DNAH5: variants seen among roughly 807,000 people sequenced by gnomAD.
DNAH5 encodes dynein axonemal heavy chain 5, also known as axonemal beta dynein heavy chain 5.
Under a neutral mutation model 518.2 loss-of-function variants are expected in DNAH5, and 372 were observed. The ratio of observed to expected loss-of-function variants is 0.72; its 90% CI spans 0.66 to 0.78. The LOEUF is 0.78. Ranked by LOEUF, DNAH5 falls within the 30% of genes least tolerant of loss-of-function variation. The probability of loss-of-function intolerance (pLI) is 0.00; values close to 1 mark genes in which losing one functional copy is unlikely to be tolerated. For synonymous variants in DNAH5, 2,039 were observed against 2,025.9 expected (o/e 1.01, Z -0.17); for missense variants, 5,523 against 5,687.0 (o/e 0.97, Z 0.93).
rs1216089367 is a variant in DNAH5 at position 13,692,057 on chromosome 5, A to G, written c.13802T>C (p.Val4601Ala). The G allele has an allele frequency of 1.2e-6, 2 of 1,614,038 alleles. No homozygotes were observed. The highest frequency in any genetic ancestry group is 3.3e-5 in the Admixed American group (2 of 60,000). ...AGGGGTCTGGGCTGTCCTGAGATCC[A>G]CAGCGGCAATGTAGTTCAAGTCCGT... ...VRTDLNYIAA[V>A]DLRTAQTPEH... is the part of the protein sequence containing the mutation. Residue 4601 changes from valine to alanine, a missense_variant, in exon 79 of 79, where the codon GTG becomes GCG. Val to Ala is a moderately conservative substitution (Grantham distance 64, BLOSUM62 0). Around this residue, in one of 3 missense-constraint regions of DNAH5, gnomAD observed 387 missense variants for 430.0 expected, o/e 0.90. Coordinates refer to ENST00000265104, the MANE Select transcript of DNAH5 (RefSeq NM_001369.3).
intron 12 of DNAH5, among the ~76,000 whole-genome samples, chr5:13,910,124 T>C (rs1440893897): frequency 6.6e-6 from 1 of 152,142 alleles, no homozygotes; most frequent in African/African-American, 2.4e-5. Context: ...AAGAAATCAT[T>C]GCTTAAATTA....
intron 22 of DNAH5, 86 bp downstream of exon 22, chr5:13,876,597 AC>A (rs1159892153): frequency 1.3e-6 from 2 of 1,505,966 alleles, no homozygotes; most frequent in African/African-American, 2.8e-5. Flanking sequence ...GACCCAGGCT[AC>A]ATAAAGGACA....
Position 13,770,889 on chromosome 5 carries a change from C to G in DNAH5, c.9465G>C (p.Gly3155=). The G allele has an allele frequency of 6.2e-7, 1 of 1,614,038 alleles. No homozygotes were observed. Among genetic ancestry groups the G allele is most frequent in the Non-Finnish European group, 8.5e-7 (1 of 1,179,968 alleles). The change falls in exon 56 of 79, where the codon GGG becomes GGC. Residue 3155 remains glycine (G), a synonymous_variant. Transcript: ENST00000265104. ...AATAATCAACACACTTCTCAGCCAC[C>G]CCATCCTGGAAGGAGCCCATGCATT... ...VVQCMGSFQD[G]VAEKCVDYFQ... is the part of the protein sequence containing the mutation.
At chr5:13,713,936 T>C (rs1258843548) in intron 75 of DNAH5, among the ~76,000 whole-genome samples, 2 of 152,146 alleles carry the variant, frequency 1.3e-5, no homozygotes, top group African/African-American at 4.8e-5. Flanking sequence ...ACTAAAAATA[T>C]CAATTTTCAA....
Position 13,820,357 on chromosome 5 carries a change from C to T in DNAH5, c.6830G>A (p.Arg2277Lys). Residue 2277 changes from arginine (R) to lysine (K), a missense_variant, in exon 41 of 79, where the codon AGA becomes AAA. This residue lies in a region of DNAH5 where 5,121 missense variants were observed against 5,223.3 expected (regional missense o/e 0.98). Transcript: ENST00000265104. Reference protein sequence around the residue: ...GKTTCIHTLMRAMTDCGKPHR... With the variant: ...GKTTCIHTLMKAMTDCGKPHR... ...TGGCTGCCCTGTACCTGTCATGGCT[C>T]TCATCAAGGTGTGGATGCAGGTGGT... 1 of 1,610,756 alleles carries T rather than the reference C, an allele frequency of 6.2e-7. No homozygotes were observed. Among genetic ancestry groups the T allele is most frequent in the Non-Finnish European group, 8.5e-7 (1 of 1,180,016 alleles).
chr5:13,717,561 A>G (rs897366089), intron 72 of DNAH5, 41 bp from the exon 73 acceptor site: 3 of 1,488,654 alleles, frequency 2.0e-6, no homozygotes, highest in Non-Finnish European at 2.8e-6. Context: ...CATCTCTCAA[A>G]TGTCTTTATT....
At position 13,817,655 on chromosome 5, in the gene DNAH5, T is replaced by G; in HGVS notation, c.6881A>C (p.Lys2294Thr). The G allele has an allele frequency of 6.2e-7, 1 of 1,614,194 alleles. No individual in the cohort carries two copies. The highest frequency in any genetic ancestry group is 1.1e-5 in the South Asian group (1 of 91,084). ...AAACATCTGTGGGGCAGTAATCGCT[T>G]TGGGATTCATCCTCATTTCCCGATG... The part of the protein sequence containing the change: ...KPHREMRMNP[K>T]AITAPQMFGR... Residue 2294 changes from lysine (K) to threonine (T), a missense_variant, in exon 42 of 79, where the codon AAA becomes ACA. Lys to Thr is a moderately conservative substitution (Grantham distance 78). Transcript: ENST00000265104.
rs141168110 is a variant in DNAH5 at position 13,871,648 on chromosome 5, G to T, written c.3514C>A (p.Gln1172Lys). 3,800 of 1,613,768 alleles carry T rather than the reference G, an allele frequency of 2.4e-3. 11 individuals are homozygous for T. Among genetic ancestry groups the T allele is most frequent in the Non-Finnish European group, 2.8e-3 (3,263 of 1,179,776 alleles). The change falls in exon 23 of 79, where the codon CAG becomes AAG. Residue 1172 changes from glutamine (Q) to lysine (K), a missense_variant. By Grantham distance (53) the Gln-to-Lys change is moderately conservative (BLOSUM62 1). Coordinates refer to ENST00000265104, the MANE Select transcript of DNAH5 (RefSeq NM_001369.3). ...QSPLLSEFES[Q>K]ILYFQNLEQE... Reference sequence around the variant, plus strand: ...TCTAGGTTTTGGAAATAGAGAATCTGGGACTCAAATTCAGAAAGCAAGGGG... The same window carrying T: ...TCTAGGTTTTGGAAATAGAGAATCTTGGACTCAAATTCAGAAAGCAAGGGG...
chr5:13,730,471 G>A (rs1746335086), intron 68 of DNAH5, among the ~76,000 whole-genome samples: 1 of 151,826 alleles, frequency 6.6e-6, no homozygotes, highest in African/African-American at 2.4e-5. Flanking sequence ...GTCTCGTTCT[G>A]TAGCCCAGGC....
chr5:13,700,899 A>C (rs755502426), intron 77 of DNAH5, 28 bp from the exon 78 acceptor site: 66 of 1,606,894 alleles, frequency 4.1e-5, no homozygotes, highest in Non-Finnish European at 5.5e-5. Flanking sequence ...AGATGAATGG[A>C]GCGGTTAGAG....
intron 69 of DNAH5, 42 bp downstream of exon 69, chr5:13,729,397 C>A (rs753602525): frequency 6.2e-7 from 1 of 1,612,258 alleles, no homozygotes; most frequent in East Asian, 2.2e-5. Context: ...CAGAAAGCTG[C>A]TCAACATGAC....
chr5:13,870,908 G>T lies in DNAH5; in HGVS notation c.3693C>A (p.Asn1231Lys). 6.2e-7 allele frequency: 1 copy of T among 1,613,790 alleles called. No homozygotes were observed. The highest frequency in any genetic ancestry group is 8.5e-7 in the Non-Finnish European group (1 of 1,179,830). ...CNKKYRSEME[N>K]IFMLIEEFNK... ...TGAATTCTTCAATAAGCATAAAAAT[G>T]TTTTCCATCTCACTCCGGTATTTTT... Residue 1231 changes from asparagine (N) to lysine (K), a missense_variant, in exon 24 of 79, where the codon AAC becomes AAA. Asn to Lys is a moderately conservative substitution (Grantham distance 94). This residue lies in a region of DNAH5 where 5,121 missense variants were observed against 5,223.3 expected (regional missense o/e 0.98). Coordinates refer to ENST00000265104, the MANE Select transcript of DNAH5 (RefSeq NM_001369.3).
intron 1 of DNAH5, among the ~76,000 whole-genome samples, chr5:13,988,861 G>C (rs1286415427): frequency 6.6e-6 from 1 of 151,484 alleles, no homozygotes; most frequent in Admixed American, 6.6e-5. Context: ...CAAGTAGCTG[G>C]GATTACAGGT....
At chr5:13,966,355 T>G (rs1275947080) in intron 1 of DNAH5, among the ~76,000 whole-genome samples, 1 of 152,220 alleles carries the variant, frequency 6.6e-6, no homozygotes, top group Non-Finnish European at 1.5e-5. Context: ...TATAATGACT[T>G]CTTTTCCTCT....
chr5:13,959,352 T>C lies in DNAH5; in HGVS notation c.13-28108A>G, dbSNP rs552789513. 2.0e-5 allele frequency among the ~76,000 whole-genome samples: 3 copies of C among 152,302 alleles called. No individual in the cohort carries two copies. In the South Asian group the frequency reaches 6.2e-4, roughly 32 times the overall value. ...AATCCCACTGAAGACTCAAGAAGAC[T>C]GATAGAGAGGGAAGAGGCAGACAAG... On this transcript the variant is annotated intron_variant, in intron 1 of 78. Transcript: ENST00000681290.
At chr5:13,919,396 G>A (rs1265953398) in intron 6 of DNAH5, 44 bp from the exon 7 acceptor site, 9 of 1,606,788 alleles carry the variant, frequency 5.6e-6, no homozygotes, top group Middle Eastern at 1.8e-4. Context: ...CACGGGGCTG[G>A]AGACGCTAAA....
intron 12 of DNAH5, among the ~76,000 whole-genome samples, chr5:13,902,679 C>T (rs990669090): frequency 1.3e-5 from 2 of 152,196 alleles, no homozygotes; most frequent in South Asian, 2.1e-4. Context: ...ATGGGCAGGG[C>T]ACTGTCTGGC....
chr5:13,900,817 G>A (rs10057950), intron 14 of DNAH5: 96,331 of 298,766 alleles, frequency 0.32, 16,258 homozygotes, highest in South Asian at 0.38. Context: ...TGGAGACATC[G>A]CATCCTGACA....
chr5:13,835,278 C>CA lies in DNAH5; in HGVS notation c.5882+4077dup, dbSNP rs57989593. ...TGGGCGACAGAGTGAGACTTCTTCT[C>CA]AAAAAAAAAAAATAGTAGTAATGAT... On this transcript the variant is annotated intron_variant, in intron 35 of 78. Coordinates refer to ENST00000265104, the MANE Select transcript of DNAH5 (RefSeq NM_001369.3). 2.4e-3 allele frequency among the ~76,000 whole-genome samples: 339 copies of CA among 142,910 alleles called. 1 individual carries two copies. The highest frequency in any genetic ancestry group is 3.6e-3 in the Middle Eastern group (1 of 276). 93.8% of individuals were successfully genotyped at this position (142,910 alleles called of 152,430 possible).
Sources: gnomAD v4.1 joint callset for allele counts (sites outside exome capture counted in the v4.1 genomes callset) on GRCh38, gnomAD v4.1.1 for gene constraint, gnomAD v4.1.1 regional missense constraint, MANE v1.5 for transcripts, NCBI Gene and HGNC (gene_info 2026-07-23, HGNC 2026-07-21) for gene names.